Variants in SH3BGRL2 observed in about 807,000 individuals in gnomAD.
The protein encoded by SH3BGRL2 is SH3 domain-binding glutamic acid-rich-like protein 2.
SH3BGRL2 carries 21 observed loss-of-function variants against 14.8 expected under a neutral mutation model. The observed-to-expected ratio is 1.42, with a 90% CI of 1.01 to 2.05. The LOEUF (loss-of-function observed/expected upper bound fraction) is 2.05. SH3BGRL2 is among the 30% of genes most tolerant of loss of function. The pLI is 0.00. For synonymous variants in SH3BGRL2, 50 were observed against 47.8 expected (o/e 1.05, Z -0.19); for missense variants, 147 against 130.8 (o/e 1.12, Z -0.61).
At chr6:79,678,741 C>A (rs1273256531) in intron 2 of SH3BGRL2, among the ~76,000 whole-genome samples, 3 of 152,026 alleles carry the variant, frequency 2.0e-5, no homozygotes. Flanking sequence ...GCATAGTACC[C>A]AATAGGTAGT....
At chr6:79,628,372 C>T (rs1768768890), upstream of SH3BGRL2, among the ~76,000 whole-genome samples, 1 of 151,848 alleles carries the variant, frequency 6.6e-6, no homozygotes, top group Non-Finnish European at 1.5e-5. Flanking sequence ...GGTCAAGAAC[C>T]CCTACTTTAA....
intron 2 of SH3BGRL2, among the ~76,000 whole-genome samples, chr6:79,692,584 G>A: frequency 6.6e-6 from 1 of 152,148 alleles, no homozygotes; most frequent in Non-Finnish European, 1.5e-5. Flanking sequence ...TGGCTAGCCA[G>A]TTTTCCCAGC....
chr6:79,636,063 A>G (rs1404262355), intron 1 of SH3BGRL2, among the ~76,000 whole-genome samples: 2 of 152,228 alleles, frequency 1.3e-5, no homozygotes, highest in Non-Finnish European at 2.9e-5. Flanking sequence ...AATAACACGA[A>G]TGAGAGTATA....
At chr6:79,626,734 A>C (rs896104875), upstream of SH3BGRL2, among the ~76,000 whole-genome samples, 25 of 152,016 alleles carry the variant, frequency 1.6e-4, no homozygotes, top group African/African-American at 5.6e-4. Flanking sequence ...ACATGCAAAA[A>C]CCAGAATACT....
the SH3BGRL2 span, among the ~76,000 whole-genome samples, chr6:79,542,754 T>C: frequency 6.6e-6 from 1 of 152,286 alleles, no homozygotes; most frequent in East Asian, 1.9e-4. Flanking sequence ...TTGGCTCTAG[T>C]CTAATGTGTC....
At chr6:79,562,242 A>G in the SH3BGRL2 span, among the ~76,000 whole-genome samples, 1 of 152,204 alleles carries the variant, frequency 6.6e-6, no homozygotes, top group Non-Finnish European at 1.5e-5. Context: ...ACATATGTAT[A>G]CACATATATA....
the SH3BGRL2 span, among the ~76,000 whole-genome samples, chr6:79,556,552 CTT>C: frequency 6.6e-6 from 1 of 151,984 alleles, no homozygotes; most frequent in Non-Finnish European, 1.5e-5. Flanking sequence ...TTCTTATACT[CTT>C]TGGGAGTATA....
At chr6:79,545,179 T>C in the SH3BGRL2 span, among the ~76,000 whole-genome samples, 2 of 152,208 alleles carry the variant, frequency 1.3e-5, no homozygotes, top group African/African-American at 2.4e-5. Flanking sequence ...CTGTTTCCCT[T>C]TGAGAGTTCC....
chr6:79,699,461 GA>G (rs1331841100), intron 3 of SH3BGRL2, 36 bp from the exon 4 acceptor site: 1 of 1,024,778 alleles, frequency 9.8e-7, no homozygotes, highest in South Asian at 1.8e-5. Flanking sequence ...TGCAATAACT[GA>G]CTTTTTTTTT....
At chr6:79,672,896 A>G (rs1769800623) in intron 1 of SH3BGRL2, among the ~76,000 whole-genome samples, 1 of 152,132 alleles carries the variant, frequency 6.6e-6, no homozygotes, top group African/African-American at 2.4e-5. Context: ...TCAAAGTAAG[A>G]TGATATTCTT....
At chr6:79,565,173 T>G in the SH3BGRL2 span, among the ~76,000 whole-genome samples, 1 of 152,224 alleles carries the variant, frequency 6.6e-6, no homozygotes, top group African/African-American at 2.4e-5. Flanking sequence ...CACATAAATT[T>G]AAATACTTTA....
chr6:79,651,482 G>A (rs879292868), intron 1 of SH3BGRL2, among the ~76,000 whole-genome samples: 2 of 152,028 alleles, frequency 1.3e-5, no homozygotes, highest in Non-Finnish European at 2.9e-5. Context: ...TTCTGCTAAC[G>A]TTTTATTAAG....
the SH3BGRL2 span, among the ~76,000 whole-genome samples, chr6:79,599,253 G>A: frequency 6.6e-6 from 1 of 152,066 alleles, no homozygotes; most frequent in South Asian, 2.1e-4. Flanking sequence ...TTAGGGAAGT[G>A]CAAATTTGGA....
the SH3BGRL2 span, among the ~76,000 whole-genome samples, chr6:79,594,694 A>G: frequency 2.5e-3 from 387 of 152,282 alleles, no homozygotes; most frequent in Non-Finnish European, 1.9e-3. Flanking sequence ...GGAGCTCCTC[A>G]AGAGCCATCA....
At position 79,642,414 on chromosome 6, in the gene SH3BGRL2, TG is replaced by T. The variant is rs748817905; in HGVS notation, c.45+10909del. Among the ~76,000 whole-genome samples, 21 of 152,284 alleles carry T rather than the reference TG, an allele frequency of 1.4e-4. 1 individual carries two copies. The highest frequency in any genetic ancestry group is 1.0e-3 in the Admixed American group (16 of 15,282). ...TAAGGGACACCAAATATACTGTGTA[TG>T]TTTTTTTTAGAGCCCTGGCTTGATC... On this transcript the variant is annotated intron_variant, in intron 1 of 3. Transcript: ENST00000369838.
the SH3BGRL2 span, among the ~76,000 whole-genome samples, chr6:79,612,703 A>T: frequency 6.6e-6 from 1 of 152,196 alleles, no homozygotes; most frequent in African/African-American, 2.4e-5. Context: ...GATAAAATCA[A>T]TTCCCATTTC....
At chr6:79,657,841 A>G (rs115269856) in intron 1 of SH3BGRL2, among the ~76,000 whole-genome samples, 2,331 of 152,266 alleles carry the variant, frequency 0.015, 59 homozygotes, top group African/African-American at 0.053. Context: ...CCATTTTTAA[A>G]TTATACAAAT....
At chr6:79,594,480 C>T in the SH3BGRL2 span, among the ~76,000 whole-genome samples, 2 of 152,132 alleles carry the variant, frequency 1.3e-5, no homozygotes, top group Admixed American at 6.5e-5. Flanking sequence ...TAAATTTCTG[C>T]CTCCCCTACA....
At chr6:79,690,436 G>A (rs1464219344) in intron 2 of SH3BGRL2, among the ~76,000 whole-genome samples, 11 of 152,102 alleles carry the variant, frequency 7.2e-5, no homozygotes. Flanking sequence ...CAAGACAGGG[G>A]CAATTTCCAA....
Sources: gnomAD v4.1 joint callset for allele counts (sites outside exome capture counted in the v4.1 genomes callset) on GRCh38, gnomAD v4.1.1 for gene constraint, MANE v1.5 for transcripts, NCBI Gene and HGNC (gene_info 2026-07-23, HGNC 2026-07-21) for gene names.